AGMO: variants seen among roughly 807,000 people sequenced by gnomAD.
AGMO encodes the protein glyceryl-ether monooxygenase.
In AGMO, 75 loss-of-function variants were observed where a neutral mutation model predicts 60.2. The ratio of observed to expected loss-of-function variants is 1.25; its 90% CI spans 1.03 to 1.51. AGMO has a LOEUF of 1.51. Among genes scored for constraint, AGMO ranks in the 40% most tolerant of loss-of-function variants. The probability of loss-of-function intolerance (pLI) is 0.00; values close to 1 mark genes in which losing one functional copy is unlikely to be tolerated. For synonymous variants in AGMO, 261 were observed against 177.1 expected, an observed-to-expected ratio of 1.47 and a Z score of -3.76; for missense variants, 763 against 525.5, an observed-to-expected ratio of 1.45 and a Z score of -4.42.
the AGMO span, among the ~76,000 whole-genome samples, chr7:15,135,975 T>TTTTC: frequency 5.2e-5 from 4 of 76,428 alleles, no homozygotes; most frequent in Non-Finnish European, 9.1e-5. Flanking sequence ...ATATTTTTTC[T>TTTTC]TTTCTTTTTT....
chr7:15,365,485 T>A, intron 12 of AGMO, 29 bp downstream of exon 12: 1 of 1,479,010 alleles, frequency 6.8e-7, no homozygotes, highest in Non-Finnish European at 9.4e-7. Context: ...GTATACGCCA[T>A]CCTGTGGCTA....
chr7:15,269,399 C>G (rs1783528018), intron 12 of AGMO, among the ~76,000 whole-genome samples: 1 of 151,910 alleles, frequency 6.6e-6, no homozygotes, highest in Non-Finnish European at 1.5e-5. Context: ...CACATGAGAA[C>G]AATGATGGAC....
chr7:15,435,453 T>G (rs1781374953), intron 3 of AGMO, among the ~76,000 whole-genome samples: 1 of 152,100 alleles, frequency 6.6e-6, no homozygotes, highest in Non-Finnish European at 1.5e-5. Flanking sequence ...CATGTTGAAA[T>G]TTTAATTTAG....
chr7:15,547,137 G>T (rs1784804002), intron 2 of AGMO, among the ~76,000 whole-genome samples: 2 of 140,520 alleles, frequency 1.4e-5, no homozygotes, highest in African/African-American at 4.9e-5. Flanking sequence ...ATCATAGAAT[G>T]TATTCCAGCA....
chr7:15,160,803 T>C, the AGMO span, among the ~76,000 whole-genome samples: 362 of 152,300 alleles, frequency 2.4e-3, no homozygotes, highest in African/African-American at 7.2e-3. Context: ...AAGTATTTTT[T>C]AGATGAGATT....
At position 15,279,262 on chromosome 7, in the gene AGMO, G is replaced by A. The variant is rs530110005; in HGVS notation, c.1264-77903C>T. 9.9e-5 allele frequency among the ~76,000 whole-genome samples: 15 copies of A among 152,250 alleles called. No individual in the cohort carries two copies. The South Asian group carries it at 3.1e-3, about 32-fold the overall frequency. On this transcript the variant is annotated intron_variant, in intron 12 of 12. Transcript: ENST00000342526. ...GCATTAGGGGTCCTCTCTCAGCTGT[G>A]CACTGGTCCCAGCTCAGCAGGCTGC...
intron 12 of AGMO, among the ~76,000 whole-genome samples, chr7:15,205,180 C>A (rs1055238351): frequency 2.6e-5 from 4 of 152,156 alleles, no homozygotes; most frequent in Admixed American, 6.5e-5. Flanking sequence ...TTTTAATACA[C>A]TTACTATATT....
chr7:15,365,385 A>AAAAAAAAAAAAAAAAAAAAAAAAAAG, intron 12 of AGMO, 129 bp downstream of exon 12: 1 of 451,660 alleles, frequency 2.2e-6, no homozygotes, highest in Non-Finnish European at 3.8e-6. Context: ...GTAAGTAAAA[A>AAAAAAAAAAAAAAAAAAAAAAAAAAG]AAAAAAAAAA....
At chr7:15,421,943 C>T (rs1780938511) in intron 4 of AGMO, among the ~76,000 whole-genome samples, 1 of 151,852 alleles carries the variant, frequency 6.6e-6, no homozygotes, top group Admixed American at 6.6e-5. Context: ...ACAGGACAGT[C>T]TCAGAGGTGG....
chr7:15,356,534 A>G (rs1459229153), intron 12 of AGMO, among the ~76,000 whole-genome samples: 1 of 152,132 alleles, frequency 6.6e-6, no homozygotes, highest in Non-Finnish European at 1.5e-5. Context: ...CCTTGAAGAA[A>G]ATCTGAAAAA....
chr7:15,529,727 CTATA>C (rs1165891025), intron 3 of AGMO, among the ~76,000 whole-genome samples: 1 of 81,092 alleles, frequency 1.2e-5, no homozygotes, highest in Non-Finnish European at 2.3e-5. Flanking sequence ...ACTATATACT[CTATA>C]TATATTCTAT....
chr7:15,213,762 A>G (rs1781661073), intron 12 of AGMO, among the ~76,000 whole-genome samples: 1 of 151,992 alleles, frequency 6.6e-6, no homozygotes, highest in African/African-American at 2.4e-5. Flanking sequence ...AGACAAAAGT[A>G]TATCCTAATA....
At chr7:15,487,549 T>C (rs1217936607) in intron 3 of AGMO, among the ~76,000 whole-genome samples, 3 of 152,184 alleles carry the variant, frequency 2.0e-5, no homozygotes, top group Admixed American at 1.3e-4. Context: ...TTTAGGCAAA[T>C]AACTTAGATA....
At chr7:15,153,044 T>C in the AGMO span, among the ~76,000 whole-genome samples, 3 of 152,250 alleles carry the variant, frequency 2.0e-5, no homozygotes, top group African/African-American at 7.2e-5. Context: ...AGGAGTGAGG[T>C]AGTATCATGT....
At chr7:15,389,289 A>C (rs1784045800) in intron 8 of AGMO, among the ~76,000 whole-genome samples, 2 of 131,420 alleles carry the variant, frequency 1.5e-5, no homozygotes, top group African/African-American at 6.1e-5. Context: ...CTGCCCCTAG[A>C]GGATAGAGAT....
intron 6 of AGMO, among the ~76,000 whole-genome samples, chr7:15,393,109 A>C (rs901351608): frequency 6.6e-6 from 1 of 152,204 alleles, no homozygotes; most frequent in Non-Finnish European, 1.5e-5. Context: ...ATCATAAATC[A>C]AGGACTTTCT....
At chr7:15,464,647 C>A (rs936784477) in intron 3 of AGMO, among the ~76,000 whole-genome samples, 12 of 152,208 alleles carry the variant, frequency 7.9e-5, no homozygotes, top group African/African-American at 2.9e-4. Context: ...CTAGAAAAAT[C>A]TGAGGTGAGG....
At chr7:15,485,462 G>C (rs1482272254) in intron 3 of AGMO, among the ~76,000 whole-genome samples, 1 of 152,176 alleles carries the variant, frequency 6.6e-6, no homozygotes, top group Non-Finnish European at 1.5e-5. Context: ...TTTATCTGTA[G>C]TCATGTCATA....
chr7:15,142,134 C>A, the AGMO span, among the ~76,000 whole-genome samples: 1 of 152,158 alleles, frequency 6.6e-6, no homozygotes, highest in Non-Finnish European at 1.5e-5. Context: ...TTTATTCACA[C>A]CGCATTTTGC....
Sources: allele counts gnomAD v4.1 joint callset (sites outside exome capture counted in the v4.1 genomes callset), GRCh38; gene constraint gnomAD v4.1.1; transcripts MANE v1.5; gene names NCBI Gene and HGNC (gene_info 2026-07-23, HGNC 2026-07-21).